Variants in MYCBP2 observed in about 807,000 individuals in gnomAD.
MYCBP2 encodes the protein MYC binding protein 2.
Under a neutral mutation model 525.3 loss-of-function variants are expected in MYCBP2, and 120 were observed. The observed-to-expected ratio is 0.23, with a 90% CI of 0.20 to 0.27. MYCBP2 has a LOEUF of 0.27. Ranked by LOEUF, MYCBP2 falls within the 10% of genes least tolerant of loss-of-function variation. The pLI, the probability that MYCBP2 is intolerant of heterozygous loss-of-function variation, is 1.00. For synonymous variants in MYCBP2, 1,894 were observed against 1,955.8 expected, an observed-to-expected ratio of 0.97 and a Z score of 0.83; for missense variants, 4,149 against 5,657.1, an observed-to-expected ratio of 0.73 and a Z score of 8.55.
At chr13:77,239,188 G>T (rs1389911617) in intron 17 of MYCBP2, among the ~76,000 whole-genome samples, 1 of 152,142 alleles carries the variant, frequency 6.6e-6, no homozygotes, top group African/African-American at 2.4e-5. Context: ...TGGTAAATAA[G>T]ATGAGACAGA....
chr13:77,323,548 AT>A (rs1185901302), intron 1 of MYCBP2, among the ~76,000 whole-genome samples: 1 of 152,208 alleles, frequency 6.6e-6, no homozygotes, highest in African/African-American at 2.4e-5. Flanking sequence ...CCCACTACAA[AT>A]TGCCCTATCA....
At position 77,212,064 on chromosome 13, in the gene MYCBP2, T is replaced by C. The variant is rs534169029; in HGVS notation, c.3154A>G (p.Thr1052Ala). Residue 1052 changes from threonine (T) to alanine (A), a missense_variant, in exon 22 of 83, where the codon ACT (threonine) becomes GCT (alanine). Thr to Ala is a moderately conservative substitution (Grantham distance 58). This residue lies in a region of MYCBP2 where 620 missense variants were observed against 795.5 expected (regional missense o/e 0.78). Coordinates refer to ENST00000544440, the MANE Select transcript of MYCBP2 (RefSeq NM_015057.5). Reference sequence around the variant, plus strand: ...TGGTCCCCACTTGCACCTATCCAAGTAGCTTTTCTTCCATATTTTGATCCA... The same window carrying C: ...TGGTCCCCACTTGCACCTATCCAAGCAGCTTTTCTTCCATATTTTGATCCA... ...NIGSKYGRKA[T>A]WIGASGDQTF... The C allele has an allele frequency of 3.7e-6, 6 of 1,614,128 alleles. No homozygotes were observed. The highest frequency in any genetic ancestry group is 3.3e-5 in the South Asian group (3 of 91,082).
intron 1 of MYCBP2, among the ~76,000 whole-genome samples, chr13:77,302,208 G>C (rs983129013): frequency 1.3e-5 from 2 of 152,090 alleles, no homozygotes; most frequent in African/African-American, 4.8e-5. Context: ...AAGAAACTCA[G>C]GGAACTTTAA....
chr13:77,188,568 T>C (rs1030292356), intron 30 of MYCBP2, among the ~76,000 whole-genome samples: 2 of 152,228 alleles, frequency 1.3e-5, no homozygotes, highest in South Asian at 4.1e-4. Flanking sequence ...ACTTCCTAGT[T>C]AGATATGCAA....
intron 47 of MYCBP2, among the ~76,000 whole-genome samples, chr13:77,147,500 C>T (rs1257843359): frequency 6.6e-6 from 1 of 152,106 alleles, no homozygotes; most frequent in Admixed American, 6.5e-5. Flanking sequence ...TCCAACTGCT[C>T]ATCTACTTCT....
At chr13:77,151,306 T>C (rs548893275) in intron 46 of MYCBP2, among the ~76,000 whole-genome samples, 1 of 152,344 alleles carries the variant, frequency 6.6e-6, no homozygotes, top group East Asian at 1.9e-4. Context: ...GTAATGCAAG[T>C]GTAAATGCTT....
chr13:77,231,417 T>C (rs2067117476), intron 18 of MYCBP2, among the ~76,000 whole-genome samples: 1 of 152,094 alleles, frequency 6.6e-6, no homozygotes, highest in African/African-American at 2.4e-5. Context: ...TCATTATTAT[T>C]TGTATTTTTA....
chr13:77,225,398 T>C (rs1248210050), intron 19 of MYCBP2, 37 bp downstream of exon 19: 1 of 1,611,676 alleles, frequency 6.2e-7, no homozygotes, highest in African/African-American at 1.3e-5. Context: ...AGCACAATTG[T>C]AAAAACGCAG....
chr13:77,115,870 A>C (rs988009266), intron 55 of MYCBP2, among the ~76,000 whole-genome samples: 1 of 151,732 alleles, frequency 6.6e-6, no homozygotes, highest in Admixed American at 6.6e-5. Flanking sequence ...CAAACTATAA[A>C]AAGAAAAATA....
At chr13:77,211,593 G>A (rs146875296) in intron 22 of MYCBP2, among the ~76,000 whole-genome samples, 359 of 152,046 alleles carry the variant, frequency 2.4e-3, no homozygotes, top group Admixed American at 5.1e-3. Flanking sequence ...CTTGGTCTTC[G>A]TGAAATTTCA....
intron 59 of MYCBP2, among the ~76,000 whole-genome samples, chr13:77,091,064 CGTTGGTTCTG>C (rs2045326887): frequency 1.3e-5 from 2 of 151,904 alleles, no homozygotes; most frequent in African/African-American, 4.8e-5. Flanking sequence ...TTTTGCTCAC[CGTTGGTTCTG>C]GAGTTTTTTC....
intron 52 of MYCBP2, among the ~76,000 whole-genome samples, chr13:77,135,456 GC>G (rs1462075670): frequency 6.6e-6 from 1 of 152,100 alleles, no homozygotes; most frequent in East Asian, 1.9e-4. Context: ...ACCATGTTTA[GC>G]CCTGCACAGT....
intron 30 of MYCBP2, among the ~76,000 whole-genome samples, chr13:77,188,279 A>G (rs1187010734): frequency 2.0e-5 from 3 of 152,160 alleles, no homozygotes; most frequent in Non-Finnish European, 4.4e-5. Flanking sequence ...CATTTTACTA[A>G]TATGAAAGAC....
chr13:77,148,224 T>C (rs556972664), intron 47 of MYCBP2, among the ~76,000 whole-genome samples: 1 of 152,060 alleles, frequency 6.6e-6, no homozygotes, highest in Non-Finnish European at 1.5e-5. Context: ...ATTTCGGATA[T>C]AGAATTCATA....
intron 69 of MYCBP2, among the ~76,000 whole-genome samples, 175 bp downstream of exon 69, chr13:77,070,456 A>G (rs1168362269): frequency 6.6e-6 from 1 of 151,728 alleles, no homozygotes; most frequent in East Asian, 1.9e-4. Flanking sequence ...TGTTAGCCTT[A>G]GTGTATTTTA....
At chr13:77,197,493 C>T (rs2061879833) in intron 26 of MYCBP2, among the ~76,000 whole-genome samples, 1 of 151,900 alleles carries the variant, frequency 6.6e-6, no homozygotes, top group African/African-American at 2.4e-5. Context: ...AACTGATGTG[C>T]CTTTAACATA....
chr13:77,047,568 C>A (rs988590817), intron 82 of MYCBP2, among the ~76,000 whole-genome samples: 1 of 152,066 alleles, frequency 6.6e-6, no homozygotes, highest in African/African-American at 2.4e-5. Context: ...CAGGTCAGTG[C>A]CTCATCCCCA....
intron 18 of MYCBP2, among the ~76,000 whole-genome samples, chr13:77,226,570 A>G (rs1006417448): frequency 3.3e-5 from 5 of 152,216 alleles, no homozygotes; most frequent in African/African-American, 1.2e-4. Context: ...ACAAGTGTGT[A>G]TTATATGAAG....
intron 20 of MYCBP2, among the ~76,000 whole-genome samples, chr13:77,221,831 C>T (rs1398377621): frequency 2.6e-5 from 4 of 152,118 alleles, no homozygotes; most frequent in Non-Finnish European, 4.4e-5. Context: ...GAATTGGTTC[C>T]AGGATCCCCT....
Sources: allele counts gnomAD v4.1 joint callset (sites outside exome capture counted in the v4.1 genomes callset), GRCh38; gene constraint gnomAD v4.1.1; regional missense constraint gnomAD v4.1.1; transcripts MANE v1.5; gene names NCBI Gene and HGNC (gene_info 2026-07-23, HGNC 2026-07-21).